LYPD6: variants seen among roughly 807,000 people sequenced by gnomAD.
LYPD6 encodes LY6/PLAUR domain containing 6, also known as ly6/PLAUR domain-containing protein 6.
A neutral mutation model predicts 22.7 loss-of-function variants in LYPD6; 15 were observed. The ratio of observed to expected loss-of-function variants is 0.66; its 90% CI spans 0.44 to 1.02. LYPD6 has a LOEUF of 1.02. Ranked by LOEUF, LYPD6 falls within the 50% of genes least tolerant of loss-of-function variation. LYPD6 has a pLI of 0.00. For missense variants in LYPD6, 189 were observed against 208.4 expected, an observed-to-expected ratio of 0.91 and a Z score of 0.57; for synonymous variants, 72 against 77.5, an observed-to-expected ratio of 0.93 and a Z score of 0.37.
intron 4 of LYPD6, 141 bp downstream of exon 4, chr2:149,468,916 C>A: frequency 1.2e-6 from 1 of 823,958 alleles, no homozygotes; most frequent in Non-Finnish European, 1.9e-6. Flanking sequence ...AAAGACGCTT[C>A]CTTTCCTGTT....
chr2:149,362,308 A>G (rs147113187), intron 1 of LYPD6, among the ~76,000 whole-genome samples: 77 of 152,316 alleles, frequency 5.1e-4, no homozygotes, highest in African/African-American at 1.8e-3. Context: ...AAAGCATACA[A>G]ATTTATTTAA....
intron 1 of LYPD6, among the ~76,000 whole-genome samples, chr2:149,351,413 AAAG>A (rs1397032212): frequency 6.6e-6 from 1 of 151,024 alleles, no homozygotes; most frequent in African/African-American, 2.4e-5. Context: ...AAAAAAAAAA[AAAG>A]AAAGAAAACA....
intron 1 of LYPD6, among the ~76,000 whole-genome samples, chr2:149,434,350 C>T (rs1683385243): frequency 6.6e-6 from 1 of 152,160 alleles, no homozygotes; most frequent in African/African-American, 2.4e-5. Context: ...TTCTGCTATA[C>T]TTAATCCTCA....
chr2:149,363,595 G>A (rs1337621315), intron 1 of LYPD6, among the ~76,000 whole-genome samples: 1 of 152,188 alleles, frequency 6.6e-6, no homozygotes, highest in East Asian at 1.9e-4. Context: ...GATGCCTTCA[G>A]TAATCAGTTG....
intron 4 of LYPD6, among the ~76,000 whole-genome samples, chr2:149,469,598 C>CTT (rs958650487): frequency 6.6e-6 from 1 of 152,124 alleles, no homozygotes; most frequent in African/African-American, 2.4e-5. Context: ...TTCAAGCAAC[C>CTT]TCTTGAATAC....
chr2:149,345,431 C>T (rs967544212), intron 1 of LYPD6, among the ~76,000 whole-genome samples: 18 of 150,802 alleles, frequency 1.2e-4, no homozygotes, highest in Admixed American at 4.6e-4. Flanking sequence ...CTCAGCCTCC[C>T]GAGTAGCTGG....
intron 1 of LYPD6, among the ~76,000 whole-genome samples, chr2:149,363,223 A>G (rs1396792616): frequency 6.6e-6 from 1 of 152,180 alleles, no homozygotes; most frequent in African/African-American, 2.4e-5. Context: ...TGACTAATCA[A>G]GAGAATTGTT....
At chr2:149,421,102 T>A (rs2105132557) in intron 1 of LYPD6, among the ~76,000 whole-genome samples, 1 of 152,218 alleles carries the variant, frequency 6.6e-6, no homozygotes, top group South Asian at 2.1e-4. Flanking sequence ...CCTCTTTCTT[T>A]AATCCCAGCA....
intron 3 of LYPD6, among the ~76,000 whole-genome samples, chr2:149,460,635 A>C (rs1394635454): frequency 1.3e-5 from 2 of 152,286 alleles, no homozygotes; most frequent in Admixed American, 6.5e-5. Context: ...AACCAACAGA[A>C]TCTAATTGAC....
chr2:149,482,179 T>C, the LYPD6 span, among the ~76,000 whole-genome samples: 1 of 152,228 alleles, frequency 6.6e-6, no homozygotes, highest in Non-Finnish European at 1.5e-5. Context: ...TCAAGACACA[T>C]TAATTTTTAA....
chr2:149,432,506 G>T (rs1045053049), intron 1 of LYPD6, among the ~76,000 whole-genome samples: 2 of 152,134 alleles, frequency 1.3e-5, no homozygotes, highest in Admixed American at 1.3e-4. Context: ...GGGGAGGGAG[G>T]GAGTTCCTTG....
At chr2:149,377,361 C>T (rs1345504941) in intron 1 of LYPD6, among the ~76,000 whole-genome samples, 6 of 151,832 alleles carry the variant, frequency 4.0e-5, no homozygotes, top group East Asian at 3.9e-4. Context: ...AAGTGGGCAC[C>T]GCACACAGGA....
intron 1 of LYPD6, among the ~76,000 whole-genome samples, chr2:149,356,774 G>GT (rs1681457823): frequency 6.6e-6 from 1 of 152,146 alleles, no homozygotes; most frequent in Non-Finnish European, 1.5e-5. Flanking sequence ...AAGGCTAAAT[G>GT]TTTTTTCAGG....
chr2:149,391,592 C>T (rs1235935391), intron 1 of LYPD6, among the ~76,000 whole-genome samples: 1 of 151,996 alleles, frequency 6.6e-6, no homozygotes, highest in Non-Finnish European at 1.5e-5. Flanking sequence ...CTATAAAATG[C>T]CTTCCATATA....
At chr2:149,428,415 C>CT (rs1325369320) in intron 1 of LYPD6, among the ~76,000 whole-genome samples, 1 of 152,082 alleles carries the variant, frequency 6.6e-6, no homozygotes, top group Non-Finnish European at 1.5e-5. Flanking sequence ...ACAGTTGGGG[C>CT]TTTTTTGACT....
intron 1 of LYPD6, among the ~76,000 whole-genome samples, chr2:149,378,806 C>T (rs918276549): frequency 1.3e-5 from 2 of 152,140 alleles, no homozygotes. Context: ...CTTTTTCCTC[C>T]ACTTCTGGGG....
intron 2 of LYPD6, among the ~76,000 whole-genome samples, chr2:149,439,527 T>A (rs1268644102): frequency 6.6e-6 from 1 of 152,166 alleles, no homozygotes; most frequent in Non-Finnish European, 1.5e-5. Context: ...GACTCAGTAG[T>A]AACTGGGCTG....
At chr2:149,440,541 T>G (rs1683539017) in intron 2 of LYPD6, 1 of 152,136 alleles carries the variant, frequency 6.6e-6, no homozygotes, top group Non-Finnish European at 1.5e-5. Flanking sequence ...TAAGTGAGAT[T>G]ATAAGTAGAT....
At chr2:149,407,101 C>G (rs1194623445) in intron 1 of LYPD6, among the ~76,000 whole-genome samples, 1 of 150,770 alleles carries the variant, frequency 6.6e-6, no homozygotes, top group African/African-American at 2.4e-5. Flanking sequence ...CCGAGAGATC[C>G]ACTGTTAGTC....
Sources: allele counts gnomAD v4.1 joint callset (sites outside exome capture counted in the v4.1 genomes callset), GRCh38; gene constraint gnomAD v4.1.1; transcripts MANE v1.5; gene names NCBI Gene and HGNC (gene_info 2026-07-23, HGNC 2026-07-21).